Variants in MAP4 observed in about 807,000 individuals in gnomAD.
The protein encoded by MAP4 is microtubule-associated protein 4.
MAP4 carries 76 observed loss-of-function variants against 170.2 expected under a neutral mutation model. That is an observed-to-expected ratio of 0.45 (90% CI 0.37 to 0.54). The LOEUF is 0.54. MAP4 is among the 20% of genes least tolerant of loss of function. The probability of loss-of-function intolerance (pLI) is 0.00; values close to 1 mark genes in which losing one functional copy is unlikely to be tolerated. For synonymous variants in MAP4, 909 were observed against 994.5 expected (o/e 0.91, Z 1.62); for missense variants, 2,506 against 2,748.0 (o/e 0.91, Z 1.97).
In MAP4 at chr3:47,925,824, G is replaced by A. The variant is rs566502185; in HGVS notation, c.415+2404C>T. ...CTGGTTATGGTTATAACCATAAATA[G>A]ATAAATAGATAGGTAAGTAGATAGA... On this transcript the variant is annotated intron_variant, in intron 4 of 20. Coordinates refer to ENST00000683076, the MANE Select transcript of MAP4 (RefSeq NM_001385682.1). Among the ~76,000 whole-genome samples, 381 of 152,266 alleles carry A rather than the reference G, an allele frequency of 2.5e-3. 1 individual carries two copies. The highest frequency in any genetic ancestry group is 8.7e-3 in the African/African-American group (362 of 41,558).
chr3:48,022,429 A>G (rs2100111027), intron 1 of MAP4, among the ~76,000 whole-genome samples: 1 of 152,170 alleles, frequency 6.6e-6, no homozygotes. Context: ...GTACTTACCA[A>G]CTTACAAGAA....
At chr3:47,922,019 T>A in intron 4 of MAP4, 141 bp from the exon 5 acceptor site, 1 of 555,956 alleles carries the variant, frequency 1.8e-6, no homozygotes, top group South Asian at 2.5e-5. Context: ...GCCATCTTGG[T>A]TCACTGCAAC....
At chr3:47,999,737 C>A (rs1374334704) in intron 1 of MAP4, among the ~76,000 whole-genome samples, 1 of 151,934 alleles carries the variant, frequency 6.6e-6, no homozygotes. Flanking sequence ...GAAAAGATAA[C>A]TATTGGGTAC....
chr3:47,961,707 T>C (rs1026250398), intron 3 of MAP4, among the ~76,000 whole-genome samples: 6 of 152,186 alleles, frequency 3.9e-5, no homozygotes, highest in African/African-American at 1.2e-4. Context: ...CTGGTTCTAG[T>C]GTGCTTTTGC....
At position 47,966,228 on chromosome 3, in the gene MAP4, C is replaced by CTTTTTTTTT. The variant is rs757460367; in HGVS notation, c.292+11628_292+11636dup. The stretch of plus-strand genomic sequence containing the variant: ...AGCTGGGACTACAGGCCCACACTAC[C>CTTTTTTTTT]TTTTTTTTTTTTTTTTTTTTTTTTT... On this transcript the variant is annotated intron_variant, in intron 3 of 20. Transcript: ENST00000683076. Among the ~76,000 whole-genome samples the CTTTTTTTTT allele has an allele frequency of 5.0e-4, 25 of 50,262 alleles. 3 individuals are homozygous for CTTTTTTTTT. Among genetic ancestry groups the CTTTTTTTTT allele is most frequent in the African/African-American group, 9.7e-4 (13 of 13,338 alleles). The allele number at this position is 50,262 out of a possible 152,430, so 33.0% of individuals were successfully genotyped here.
At chr3:47,891,272 TTGCTGC>T (rs758055114) in intron 10 of MAP4, 153 of 1,536,144 alleles carry the variant, frequency 1.0e-4, no homozygotes, top group Non-Finnish European at 1.3e-4. Context: ...CTTCCCAGAG[TTGCTGC>T]TGCTGTTGCT....
intron 3 of MAP4, among the ~76,000 whole-genome samples, chr3:47,958,527 G>GT (rs957678440): frequency 1.2e-4 from 18 of 151,880 alleles, no homozygotes; most frequent in African/African-American, 3.9e-4. Flanking sequence ...GTTTAGTTTT[G>GT]TTTTTTTGAG....
chr3:48,087,212 G>T (rs1320867405), intron 1 of MAP4, among the ~76,000 whole-genome samples: 1 of 152,196 alleles, frequency 6.6e-6, no homozygotes. Context: ...GAAGAGAGAT[G>T]TCCCAATCTT....
At chr3:47,937,407 T>G (rs2100053609) in intron 3 of MAP4, among the ~76,000 whole-genome samples, 1 of 152,164 alleles carries the variant, frequency 6.6e-6, no homozygotes, top group Admixed American at 6.6e-5. Context: ...TGATGAAACT[T>G]GGATAAACGC....
rs1351019501 is a variant in MAP4 at position 48,016,342 on chromosome 3, T to C, written c.-28A>G. The C allele has an allele frequency of 6.6e-6, 1 of 151,852 alleles. No individual in the cohort carries two copies. Among genetic ancestry groups the C allele is most frequent in the Non-Finnish European group, 1.5e-5 (1 of 68,004 alleles). The allele number at this position is 151,852 out of a possible 1,614,324, so 9.4% of individuals were successfully genotyped here. A position where few individuals can be genotyped will look rare whatever the true frequency, so the allele number is the denominator to read the frequency against. ...CTACCTTGCTTACTTACAGGAACTA[T>C]CCAGGCAGCTTGTGTTCAGTCCTGA... On this transcript the variant is annotated 5_prime_UTR_variant, in exon 1 of 21. Coordinates refer to ENST00000683076, the MANE Select transcript of MAP4 (RefSeq NM_001385682.1).
intron 5 of MAP4, among the ~76,000 whole-genome samples, chr3:47,921,424 C>G (rs1335236038): frequency 6.6e-6 from 1 of 152,166 alleles, no homozygotes; most frequent in Non-Finnish European, 1.5e-5. Context: ...ATCTACACAG[C>G]AACCTTTACT....
chr3:47,972,757 G>A (rs2100079527), intron 3 of MAP4, among the ~76,000 whole-genome samples: 1 of 152,162 alleles, frequency 6.6e-6, no homozygotes, highest in African/African-American at 2.4e-5. Context: ...GTGGTGGCGG[G>A]CGCCTGTAGT....
intron 3 of MAP4, among the ~76,000 whole-genome samples, chr3:47,931,656 A>ATTTTT (rs35456237): frequency 3.8e-5 from 5 of 131,400 alleles, no homozygotes; most frequent in Non-Finnish European, 6.4e-5. Context: ...TTTAAACAAA[A>ATTTTT]TTTTTTTTTT....
chr3:47,900,692 C>T (rs2100029540), intron 10 of MAP4, among the ~76,000 whole-genome samples: 5 of 152,042 alleles, frequency 3.3e-5, no homozygotes, highest in Admixed American at 3.3e-4. Context: ...GCCGAGATGG[C>T]GCCACTGCAC....
At chr3:48,061,173 A>G (rs1203750070) in intron 1 of MAP4, among the ~76,000 whole-genome samples, 1 of 151,160 alleles carries the variant, frequency 6.6e-6, no homozygotes, top group African/African-American at 2.4e-5. Context: ...TTAATATGAA[A>G]ATGAACACCT....
rs772691169 is a variant in MAP4, at chr3:47,915,985, C to T, written c.1842G>A (p.Gly614=). Reference sequence around the variant, plus strand: ...TCATGAAAGTAGGTGCAGCTGACTGCCCCACATCCTGCAGAGATTCTAAAT... The same window carrying T: ...TCATGAAAGTAGGTGCAGCTGACTGTCCCACATCCTGCAGAGATTCTAAAT... ...DSHLESLQDV[G]QSAAPTFMIS... The change falls in exon 7 of 21, where the codon GGG becomes GGA. Residue 614 remains glycine (G), a synonymous_variant. Coordinates refer to ENST00000683076, the MANE Select transcript of MAP4 (RefSeq NM_001385682.1). 1.2e-6 allele frequency: 2 copies of T among 1,613,648 alleles called. No individual in the cohort carries two copies. The highest frequency in any genetic ancestry group is 1.7e-6 in the Non-Finnish European group (2 of 1,179,778).
rs1004932066 is a variant in MAP4 at position 47,869,982 on chromosome 3, C to G, written c.6295-655G>C. ...TCAGCTTGCCATCAGTGTCTTCCAA[C>G]AGCACCAGGATTCCACCTCATTTTT... is the stretch of plus-strand genomic sequence containing the variant. On this transcript the variant is annotated intron_variant, in intron 15 of 20. Transcript: ENST00000683076. 5.3e-5 allele frequency among the ~76,000 whole-genome samples: 8 copies of G among 152,146 alleles called. No individual in the cohort carries two copies. In the East Asian group the frequency reaches 1.5e-3, roughly 29 times the overall value.
chr3:47,887,909 G>C (rs1026931218), intron 10 of MAP4, among the ~76,000 whole-genome samples: 1 of 152,094 alleles, frequency 6.6e-6, no homozygotes, highest in Non-Finnish European at 1.5e-5. Context: ...CCTGTGTTTA[G>C]CTCAAGGTTT....
chr3:48,001,299 GA>G (rs1156620122), intron 1 of MAP4, among the ~76,000 whole-genome samples: 1 of 151,690 alleles, frequency 6.6e-6, no homozygotes. Context: ...TATTATCTAA[GA>G]AAAAAATACA....
Sources: gnomAD v4.1 joint callset for allele counts (sites outside exome capture counted in the v4.1 genomes callset) on GRCh38, gnomAD v4.1.1 for gene constraint, MANE v1.5 for transcripts, NCBI Gene and HGNC (gene_info 2026-07-23, HGNC 2026-07-21) for gene names.